The following LSP1 variants were observed in gnomAD, a reference collection of about 807,000 sequenced individuals.
LSP1 encodes the protein lymphocyte specific protein 1, also known as lymphocyte-specific protein 1.
In LSP1, 32 loss-of-function variants were observed where a neutral mutation model predicts 49.3. The observed-to-expected ratio is 0.65, with a 90% CI of 0.49 to 0.87. The LOEUF is 0.87. Among genes scored for constraint, LSP1 ranks in the 40% least tolerant of loss-of-function variants. The pLI, the probability that LSP1 is intolerant of heterozygous loss-of-function variation, is 0.00. For synonymous variants in LSP1, 179 were observed against 178.8 expected, an observed-to-expected ratio of 1.00 and a Z score of -0.01; for missense variants, 428 against 442.6, an observed-to-expected ratio of 0.97 and a Z score of 0.30.
chr11:1,872,925 A>C (rs561433760), intron 1 of LSP1, among the ~76,000 whole-genome samples: 1 of 151,532 alleles, frequency 6.6e-6, no homozygotes, highest in Admixed American at 6.6e-5. Context: ...TCAGCAATGG[A>C]GGAGGCGACC....
At chr11:1,882,332 C>T (rs578241447) in intron 3 of LSP1, among the ~76,000 whole-genome samples, 11 of 152,178 alleles carry the variant, frequency 7.2e-5, no homozygotes, top group Admixed American at 1.3e-4. Context: ...CATGGCTGGG[C>T]TGACAGTTCT....
intron 3 of LSP1, among the ~76,000 whole-genome samples, chr11:1,882,177 C>T (rs1279370091): frequency 2.0e-5 from 3 of 152,202 alleles, no homozygotes; most frequent in Non-Finnish European, 2.9e-5. Flanking sequence ...TCCCGAGCCC[C>T]ACTTCACTAC....
chr11:1,863,474 C>T (rs1847694763), intron 1 of LSP1: 1 of 152,356 alleles, frequency 6.6e-6, no homozygotes, highest in Non-Finnish European at 1.5e-5. Context: ...GTGCCAGGCC[C>T]TCACTCTGTG....
rs749677355 is a variant in LSP1, at chr11:1,883,424, G to A, written c.362G>A (p.Gly121Asp). 2.5e-6 allele frequency: 4 copies of A among 1,614,038 alleles called. No individual in the cohort carries two copies. Among genetic ancestry groups the A allele is most frequent in the Non-Finnish European group, 3.4e-6 (4 of 1,179,982 alleles). Residue 121 changes from glycine to aspartate, a missense_variant, in exon 4 of 11, where the codon GGC (glycine) becomes GAC (aspartate). Gly to Asp is a moderately conservative substitution (Grantham distance 94). Coordinates refer to ENST00000311604, the MANE Select transcript of LSP1 (RefSeq NM_002339.3). ...GCCTCCCTTTCCACCCACAGGCCCG[G>A]CCTGCATGCCTACGAAAAGGAGGAC... ...SPEGEQEDRP[G>D]LHAYEKEDSD...
At chr11:1,869,592 T>A in intron 1 of LSP1, 1 of 468,018 alleles carries the variant, frequency 2.1e-6, no homozygotes, top group Non-Finnish European at 4.4e-6. Context: ...CTCTCCCACG[T>A]GGGCCGCACC....
In LSP1 at chr11:1,876,552, G is replaced by A. The variant is rs556851232; in HGVS notation, c.54-3535G>A. ...CCCTCTGGGCTCAGGACAGCCGGGT[G>A]GGGCAGCCACAGGAGCTGCCTGCAG... On this transcript the variant is annotated intron_variant, in intron 1 of 10. Transcript: ENST00000311604. The A allele has an allele frequency of 1.3e-4, 125 of 985,558 alleles. No homozygotes were observed. The African/African-American group carries it at 2.1e-3, about 16-fold the overall frequency. The allele number at this position is 985,558 out of a possible 1,614,324, so 61.1% of individuals were successfully genotyped here.
chr11:1,856,984 G>C (rs1321826827), intron 1 of LSP1, among the ~76,000 whole-genome samples: 1 of 152,200 alleles, frequency 6.6e-6, no homozygotes, highest in Non-Finnish European at 1.5e-5. Flanking sequence ...CTAAGCCCTG[G>C]GGCTCCCTCC....
intron 10 of LSP1, chr11:1,890,446 G>A (rs574541532): frequency 2.6e-5 from 19 of 717,172 alleles, no homozygotes; most frequent in South Asian, 1.9e-4. Context: ...ATCTTCTTCC[G>A]GGCTGCCTTC....
chr11:1,874,726 C>A (rs1848235407), intron 1 of LSP1, among the ~76,000 whole-genome samples: 1 of 152,148 alleles, frequency 6.6e-6, no homozygotes, highest in African/African-American at 2.4e-5. Flanking sequence ...GTAGTGAGAA[C>A]CGGCAGGGGA....
chr11:1,873,614 A>C (rs907682565), intron 1 of LSP1, among the ~76,000 whole-genome samples: 4 of 145,856 alleles, frequency 2.7e-5, no homozygotes, highest in Non-Finnish European at 6.2e-5. Flanking sequence ...GAGGAAGGGA[A>C]GGAGGGAAGG....
At chr11:1,872,424 G>A (rs1848073470) in intron 1 of LSP1, among the ~76,000 whole-genome samples, 1 of 138,996 alleles carries the variant, frequency 7.2e-6, no homozygotes, top group Non-Finnish European at 1.5e-5. Context: ...GGCCTGGGCT[G>A]CAGTCATCCT....
rs529871243 is a variant in LSP1, at chr11:1,864,044, G to A, written c.53+10847G>A. On this transcript the variant is annotated intron_variant, in intron 1 of 10. Transcript: ENST00000311604. ...AAAGGGAAAGTGGAGAACCAGGAGC[G>A]GGGGAGAGGGGAGGAGGGGAGAGGA... 26 of 278,006 alleles carry A rather than the reference G, an allele frequency of 9.4e-5. No individual in the cohort carries two copies. In the South Asian group the frequency reaches 2.8e-3, roughly 30 times the overall value. 17.2% of individuals were successfully genotyped at this position (278,006 alleles called of 1,614,324 possible).
intron 1 of LSP1, among the ~76,000 whole-genome samples, chr11:1,865,592 C>A (rs1299590902): frequency 7.1e-6 from 1 of 140,876 alleles, no homozygotes; most frequent in Non-Finnish European, 1.5e-5. Context: ...CCACCTGCAC[C>A]GCCGGCTGCA....
intron 1 of LSP1, among the ~76,000 whole-genome samples, chr11:1,872,735 G>A (rs1270554207): frequency 1.0e-4 from 15 of 149,870 alleles, no homozygotes; most frequent in Non-Finnish European, 1.5e-4. Context: ...TGGTAGAGTT[G>A]GGGTCTGTCC....
intron 1 of LSP1, among the ~76,000 whole-genome samples, chr11:1,879,341 G>A (rs1487339637): frequency 1.1e-4 from 16 of 152,160 alleles, no homozygotes; most frequent in Admixed American, 9.2e-4. Flanking sequence ...GTGAAACTCC[G>A]TCTCAAACAA....
chr11:1,872,277 G>A (rs1245098239), intron 1 of LSP1, among the ~76,000 whole-genome samples: 1 of 132,362 alleles, frequency 7.6e-6, no homozygotes, highest in Non-Finnish European at 1.6e-5. Context: ...GGGTCTGTCC[G>A]GCTGGCGTGG....
intron 1 of LSP1, among the ~76,000 whole-genome samples, chr11:1,857,418 T>C (rs1198670682): frequency 6.6e-6 from 1 of 152,144 alleles, no homozygotes; most frequent in African/African-American, 2.4e-5. Flanking sequence ...CTCAGTTCCC[T>C]GAGAACGTGC....
chr11:1,873,310 C>T (rs2133088789), intron 1 of LSP1, among the ~76,000 whole-genome samples: 1 of 152,272 alleles, frequency 6.6e-6, no homozygotes, highest in South Asian at 2.1e-4. Context: ...CCCCGAGGCT[C>T]AGAGCAGGCA....
intron 1 of LSP1, among the ~76,000 whole-genome samples, chr11:1,874,007 C>CAGGGAGGCCGGCAGAGA (rs1848180053): frequency 1.8e-5 from 1 of 56,966 alleles, no homozygotes; most frequent in African/African-American, 1.0e-4. Context: ...GCTGGCAGAG[C>CAGGGAGGCCGGCAGAGA]AGGGAGGCCG....
Sources: gnomAD v4.1 joint callset for allele counts (sites outside exome capture counted in the v4.1 genomes callset) on GRCh38, gnomAD v4.1.1 for gene constraint, MANE v1.5 for transcripts, NCBI Gene and HGNC (gene_info 2026-07-23, HGNC 2026-07-21) for gene names.